MEI1: variants seen among roughly 807,000 people sequenced by gnomAD.
The protein encoded by MEI1 is meiosis inhibitor protein 1.
A neutral mutation model predicts 146.2 loss-of-function variants in MEI1; 103 were observed. That is an observed-to-expected ratio of 0.70 (90% CI 0.60 to 0.83). The LOEUF is 0.83. Among genes scored for constraint, MEI1 ranks in the 40% least tolerant of loss-of-function variants. The pLI is 0.00. For missense variants in MEI1, 1,529 were observed against 1,533.0 expected (o/e 1.00, Z 0.04); for synonymous variants, 652 against 628.2 (o/e 1.04, Z -0.57).
intron 11 of MEI1, among the ~76,000 whole-genome samples, chr22:41,734,867 C>T (rs2072192401): frequency 6.6e-6 from 1 of 152,022 alleles, no homozygotes; most frequent in Admixed American, 6.6e-5. Flanking sequence ...GAACTCCTGA[C>T]CTCAGGTGAT....
Position 41,700,939 on chromosome 22 carries a change from C to CTTT in MEI1, c.174+1242_174+1244dup, listed in dbSNP as rs530432136. 3.1e-5 allele frequency among the ~76,000 whole-genome samples: 4 copies of CTTT among 129,612 alleles called. No homozygotes were observed. The South Asian group carries it at 7.5e-4, about 24-fold the overall frequency. The allele number at this position is 129,612 out of a possible 152,430, so 85.0% of individuals were successfully genotyped here. ...CTCAAATATTTTGATTTCTTTCTTT[C>CTTT]TTTTTTTTTTTTTTTTTGAGATGGA... On this transcript the variant is annotated intron_variant, in intron 1 of 30. Transcript: ENST00000401548.
intron 25 of MEI1, 49 bp from the exon 26 acceptor site, chr22:41,784,559 G>C (rs2075882294): frequency 1.9e-6 from 3 of 1,602,900 alleles, no homozygotes; most frequent in Non-Finnish European, 2.6e-6. Flanking sequence ...AGCTGGGTGG[G>C]AGGTGGGAAG....
intron 22 of MEI1, among the ~76,000 whole-genome samples, chr22:41,779,722 T>C (rs1184609619): frequency 6.6e-6 from 1 of 152,202 alleles, no homozygotes; most frequent in Non-Finnish European, 1.5e-5. Flanking sequence ...TGCAGATTCC[T>C]TTTTTCCTGG....
rs771776312 is a variant in MEI1, at chr22:41,730,589, C to A, written c.1048C>A (p.Leu350Ile). ...CTGGTCCAGCTGTAACTGCTTGACA[C>A]TCCTGGTAGAAGAGCCACTCTTTTT... is the stretch of plus-strand genomic sequence containing the variant. ...LVWSSCNCLT[L>I]LVEEPLFFSK... The change falls in exon 9 of 31, where the codon CTC becomes ATC. Residue 350 changes from leucine to isoleucine, a missense_variant. Transcript: ENST00000401548. The A allele has an allele frequency of 5.6e-6, 9 of 1,613,864 alleles. No homozygotes were observed. Among genetic ancestry groups the A allele is most frequent in the Non-Finnish European group, 7.6e-6 (9 of 1,179,792 alleles).
intron 11 of MEI1, among the ~76,000 whole-genome samples, chr22:41,740,168 C>T (rs574540849): frequency 1.3e-5 from 2 of 151,940 alleles, no homozygotes; most frequent in East Asian, 1.9e-4. Context: ...TACAGGTGCC[C>T]GCCACCACGC....
At chr22:41,749,098 A>G (rs2073553670) in intron 15 of MEI1, among the ~76,000 whole-genome samples, 1 of 151,896 alleles carries the variant, frequency 6.6e-6, no homozygotes, top group South Asian at 2.1e-4. Flanking sequence ...GCGACCGCCC[A>G]GAACATGCTT....
At chr22:41,726,434 C>T (rs550336723) in intron 7 of MEI1, among the ~76,000 whole-genome samples, 66 of 152,230 alleles carry the variant, frequency 4.3e-4, no homozygotes, top group Admixed American at 1.6e-3. Context: ...AACATATGTA[C>T]TTAAACAACA....
rs777122741 is a variant in MEI1 at position 41,752,650 on chromosome 22, AG to A, written c.1853+1del. 1 of 1,593,344 alleles carries A rather than the reference AG, an allele frequency of 6.3e-7. No homozygotes were observed. Among genetic ancestry groups the A allele is most frequent in the Non-Finnish European group, 8.5e-7 (1 of 1,170,044 alleles). ...GAAGGCCAGGTTTTGCAGTGGTCTG[AG>A]GTATGTGTGGTCCCAGGCAAGATTG... ...ELKARFCSGL[S>X]HSALNQVCSN... On this transcript the variant is annotated frameshift_variant and splice_region_variant, in exon 16 of 31. Coordinates refer to ENST00000401548, the MANE Select transcript of MEI1 (RefSeq NM_152513.4). LOFTEE classifies it high-confidence loss of function.
intron 1 of MEI1, among the ~76,000 whole-genome samples, chr22:41,700,726 ATTG>A (rs2068640332): frequency 1.4e-5 from 2 of 145,576 alleles, no homozygotes; most frequent in African/African-American, 5.3e-5. Flanking sequence ...GAGTGGGTGG[ATTG>A]GCTAGATCAG....
intron 15 of MEI1, among the ~76,000 whole-genome samples, chr22:41,748,947 C>T (rs1005556293): frequency 1.2e-4 from 18 of 152,004 alleles, no homozygotes; most frequent in African/African-American, 2.7e-4. Flanking sequence ...GGACTACAGG[C>T]GCCCGCCACC....
intron 18 of MEI1, among the ~76,000 whole-genome samples, chr22:41,759,718 A>G (rs1419228881): frequency 1.3e-5 from 2 of 152,096 alleles, no homozygotes; most frequent in African/African-American, 4.8e-5. Flanking sequence ...AGTCCCAGCT[A>G]CTCGGGAGGC....
At chr22:41,717,559 A>G (rs1334947581) in intron 5 of MEI1, among the ~76,000 whole-genome samples, 3 of 151,762 alleles carry the variant, frequency 2.0e-5, no homozygotes, top group African/African-American at 7.3e-5. Context: ...TGGCCTCCCA[A>G]AGTGCTGAGA....
chr22:41,780,728 G>C (rs1345783236), intron 22 of MEI1, among the ~76,000 whole-genome samples: 3 of 151,978 alleles, frequency 2.0e-5, no homozygotes, highest in Non-Finnish European at 4.4e-5. Context: ...CTACCAGTGT[G>C]TGCCACCATG....
chr22:41,793,807 T>A, intron 26 of MEI1, 22 bp from the exon 27 acceptor site: 1 of 378,948 alleles, frequency 2.6e-6, no homozygotes, highest in South Asian at 4.7e-5. Context: ...CCTGACCTGA[T>A]TTTTTTTTTT....
At position 41,735,019 on chromosome 22, in the gene MEI1, T is replaced by C. The variant is rs975329864; in HGVS notation, c.1331+2416T>C. 2.2e-4 allele frequency among the ~76,000 whole-genome samples: 33 copies of C among 151,430 alleles called. 1 individual carries two copies. Among genetic ancestry groups the C allele is most frequent in the African/African-American group, 7.8e-4 (32 of 41,262 alleles). ...CTCTTTCACCCAGGCTGGGGTGCAG[T>C]GGCGTGATCTTGGCTCACTGCAACC... On this transcript the variant is annotated intron_variant, in intron 11 of 30. Transcript: ENST00000401548.
Position 41,716,058 on chromosome 22 carries a change from C to T in MEI1, c.441C>T (p.Ser147=). The T allele has an allele frequency of 6.2e-7, 1 of 1,610,414 alleles. No individual in the cohort carries two copies. The highest frequency in any genetic ancestry group is 8.5e-7 in the Non-Finnish European group (1 of 1,178,340). The part of the protein sequence containing the change: ...ECHKELCNMP[S]MRGSLATLTL... The stretch of plus-strand genomic sequence containing the variant: ...TTCTGTAGCTGTGTAACATGCCCTC[C>T]ATGCGAGGCAGCCTGGCCACCCTGA... Residue 147 remains serine, a synonymous_variant, in exon 5 of 31, where the codon TCC becomes TCT. Transcript: ENST00000401548.
At position 41,753,779 on chromosome 22, in the gene MEI1, C is replaced by G. The variant is rs909603537; in HGVS notation, c.1854-170C>G. Reference sequence around the variant, plus strand: ...CAGGCATAAGCCACTGTGCCCAGCCCCATATTTACTTTTCATAGCCACCTT... The same window carrying G: ...CAGGCATAAGCCACTGTGCCCAGCCGCATATTTACTTTTCATAGCCACCTT... On this transcript the variant is annotated intron_variant, in intron 16 of 30. Transcript: ENST00000401548. 12 of 574,804 alleles carry G rather than the reference C, an allele frequency of 2.1e-5. No homozygotes were observed. In the East Asian group the frequency reaches 3.6e-4, roughly 17 times the overall value. 35.6% of individuals were successfully genotyped at this position (574,804 alleles called of 1,614,324 possible).
chr22:41,760,664 G>T (rs2074424590), intron 18 of MEI1, among the ~76,000 whole-genome samples: 1 of 152,214 alleles, frequency 6.6e-6, no homozygotes, highest in Non-Finnish European at 1.5e-5. Context: ...AGCTCTCCAA[G>T]TGCACAATTT....
intron 19 of MEI1, among the ~76,000 whole-genome samples, chr22:41,769,331 A>C (rs185070312): frequency 6.6e-6 from 1 of 152,348 alleles, no homozygotes; most frequent in African/African-American, 2.4e-5. Context: ...GTCTTTTCAG[A>C]AAATTTTCAG....
Sources: allele counts gnomAD v4.1 joint callset (sites outside exome capture counted in the v4.1 genomes callset), GRCh38; gene constraint gnomAD v4.1.1; transcripts MANE v1.5; gene names NCBI Gene and HGNC (gene_info 2026-07-23, HGNC 2026-07-21).